Variants in DOCK3 observed in about 807,000 individuals in gnomAD.
DOCK3 encodes dedicator of cytokinesis 3, also known as dedicator of cytokinesis protein 3.
DOCK3 carries 60 observed loss-of-function variants against 265.6 expected under a neutral mutation model. The observed-to-expected ratio is 0.23, with a 90% confidence interval of 0.18 to 0.28. The LOEUF (loss-of-function observed/expected upper bound fraction) is 0.28. DOCK3 is among the 10% of genes least tolerant of loss of function. DOCK3 has a pLI of 1.00. For missense variants in DOCK3, 1,981 were observed against 2,594.3 expected (o/e 0.76, Z 5.14); for synonymous variants, 881 against 938.0 (o/e 0.94, Z 1.11).
intron 1 of DOCK3, among the ~76,000 whole-genome samples, chr3:50,752,369 C>A (rs982153050): frequency 6.6e-6 from 1 of 152,016 alleles, no homozygotes; most frequent in South Asian, 2.1e-4. Context: ...ATAAGCTGGG[C>A]GTGGTGGTGT....
At chr3:51,110,957 A>G (rs1314886402) in intron 9 of DOCK3, among the ~76,000 whole-genome samples, 1 of 152,228 alleles carries the variant, frequency 6.6e-6, no homozygotes, top group Admixed American at 6.5e-5. Context: ...AAAGCTCCTT[A>G]AGCTGATAAA....
At chr3:51,076,586 A>G (rs920245205) in intron 7 of DOCK3, among the ~76,000 whole-genome samples, 1 of 152,194 alleles carries the variant, frequency 6.6e-6, no homozygotes, top group Admixed American at 6.6e-5. Context: ...AAAGTTTTAT[A>G]ATCAGTTTTA....
At chr3:51,003,445 A>G (rs899843075) in intron 5 of DOCK3, among the ~76,000 whole-genome samples, 4 of 152,214 alleles carry the variant, frequency 2.6e-5, no homozygotes, top group Non-Finnish European at 5.9e-5. Flanking sequence ...ATAAATTTCT[A>G]GTTATAGTAC....
At chr3:51,222,433 A>G (rs751878891) in intron 14 of DOCK3, among the ~76,000 whole-genome samples, 1 of 152,220 alleles carries the variant, frequency 6.6e-6, no homozygotes, top group Non-Finnish European at 1.5e-5. Context: ...GCTTCTGCTT[A>G]TGCTTTCTCC....
intron 1 of DOCK3, among the ~76,000 whole-genome samples, chr3:50,763,084 A>G (rs979060096): frequency 1.3e-5 from 2 of 152,278 alleles, no homozygotes; most frequent in East Asian, 3.9e-4. Flanking sequence ...TGTAAAGTCA[A>G]AAAGTTGTAA....
intron 5 of DOCK3, among the ~76,000 whole-genome samples, chr3:51,007,738 G>GT (rs1365893204): frequency 7.2e-5 from 2 of 27,614 alleles, no homozygotes; most frequent in Non-Finnish European, 1.2e-4. Context: ...TTCTTCTAGG[G>GT]TTTTTATGGT....
intron 2 of DOCK3, among the ~76,000 whole-genome samples, chr3:50,816,323 C>CTTTTT (rs68016163): frequency 1.1e-5 from 1 of 88,746 alleles, no homozygotes; most frequent in African/African-American, 3.9e-5. Flanking sequence ...TCTTGTAACT[C>CTTTTT]TTTTTTTTTT....
chr3:50,850,472 T>A (rs1378554083), intron 3 of DOCK3, among the ~76,000 whole-genome samples: 1 of 152,196 alleles, frequency 6.6e-6, no homozygotes, highest in Non-Finnish European at 1.5e-5. Context: ...GAGGAATTCT[T>A]TATCTGTCAT....
chr3:50,890,870 C>T (rs1023047933), intron 4 of DOCK3, among the ~76,000 whole-genome samples: 8 of 151,952 alleles, frequency 5.3e-5, no homozygotes, highest in Admixed American at 2.6e-4. Context: ...TATTTACACA[C>T]GTTTGAAGAG....
chr3:50,866,644 A>T (rs1037205281), intron 3 of DOCK3, among the ~76,000 whole-genome samples: 5 of 152,128 alleles, frequency 3.3e-5, no homozygotes, highest in Non-Finnish European at 5.9e-5. Context: ...TTCATTCTGC[A>T]TATGGATACT....
intron 12 of DOCK3, among the ~76,000 whole-genome samples, chr3:51,165,816 G>A (rs1210162653): frequency 6.6e-6 from 1 of 151,572 alleles, no homozygotes; most frequent in African/African-American, 2.4e-5. Context: ...ATGTATAATT[G>A]ATACATAATT....
At chr3:51,305,436 G>A (rs921858124) in intron 27 of DOCK3, among the ~76,000 whole-genome samples, 1 of 152,020 alleles carries the variant, frequency 6.6e-6, no homozygotes, top group Admixed American at 6.6e-5. Context: ...TACTTTCAAT[G>A]TATTTGTACA....
chr3:51,334,390 C>G (rs1458362890), intron 35 of DOCK3, among the ~76,000 whole-genome samples: 1 of 152,166 alleles, frequency 6.6e-6, no homozygotes, highest in African/African-American at 2.4e-5. Context: ...ATGAGGGGAG[C>G]ATTTTCAGCT....
intron 12 of DOCK3, among the ~76,000 whole-genome samples, chr3:51,178,031 A>G (rs1281777896): frequency 6.6e-6 from 1 of 151,358 alleles, no homozygotes; most frequent in East Asian, 1.9e-4. Flanking sequence ...AAAATAGTAA[A>G]AAAAAAAAAA....
At chr3:51,194,934 C>T (rs963672116) in intron 12 of DOCK3, among the ~76,000 whole-genome samples, 1 of 149,636 alleles carries the variant, frequency 6.7e-6, no homozygotes. Context: ...AAGTGATTCT[C>T]TTGCCTCAGC....
chr3:51,225,599 G>T, intron 14 of DOCK3, 50 bp from the exon 15 acceptor site: 1 of 1,574,014 alleles, frequency 6.4e-7, no homozygotes, highest in Non-Finnish European at 8.6e-7. Context: ...GTGAAAATGG[G>T]GCAGTATGGC....
chr3:50,979,930 A>T (rs1274031360), intron 5 of DOCK3, among the ~76,000 whole-genome samples: 60 of 152,096 alleles, frequency 3.9e-4, no homozygotes, highest in Admixed American at 3.8e-3. Flanking sequence ...CTGTTTCCCG[A>T]CTTGTATGCC....
intron 1 of DOCK3, among the ~76,000 whole-genome samples, chr3:50,777,054 T>C (rs1385948427): frequency 6.6e-6 from 1 of 152,132 alleles, no homozygotes; most frequent in Non-Finnish European, 1.5e-5. Flanking sequence ...CTCATGAGAC[T>C]TTTTCAATAC....
At chr3:50,830,161 C>T (rs2045051753) in intron 2 of DOCK3, among the ~76,000 whole-genome samples, 1 of 152,058 alleles carries the variant, frequency 6.6e-6, no homozygotes, top group South Asian at 2.1e-4. Flanking sequence ...AAAAGGGATC[C>T]ATAATTGGGT....
Sources: gnomAD v4.1 joint callset for allele counts (sites outside exome capture counted in the v4.1 genomes callset) on GRCh38, gnomAD v4.1.1 for gene constraint, MANE v1.5 for transcripts, NCBI Gene and HGNC (gene_info 2026-07-23, HGNC 2026-07-21) for gene names.